The following WDPCP variants were observed in gnomAD, a reference collection of about 807,000 sequenced individuals.
The protein encoded by WDPCP is WD repeat-containing and planar cell polarity effector protein fritz homolog.
In WDPCP, 71 loss-of-function variants were observed where a neutral mutation model predicts 93.1. The ratio of observed to expected loss-of-function variants is 0.76; its 90% CI spans 0.63 to 0.93. The LOEUF is 0.93. WDPCP is among the 40% of genes least tolerant of loss of function. The probability of loss-of-function intolerance (pLI) is 0.00; values close to 1 mark genes in which losing one functional copy is unlikely to be tolerated. For missense variants in WDPCP, 844 were observed against 887.4 expected, an observed-to-expected ratio of 0.95 and a Z score of 0.62; for synonymous variants, 315 against 315.0, an observed-to-expected ratio of 1.00 and a Z score of 0.00.
intron 1 of WDPCP, among the ~76,000 whole-genome samples, chr2:63,511,831 G>C (rs1575555808): frequency 6.6e-6 from 1 of 152,278 alleles, no homozygotes; most frequent in South Asian, 2.1e-4. Flanking sequence ...TCAGGACATA[G>C]GCATGGGCAA....
chr2:63,410,297 C>CT (rs1211384113), intron 9 of WDPCP, among the ~76,000 whole-genome samples: 1 of 152,122 alleles, frequency 6.6e-6, no homozygotes, highest in Non-Finnish European at 1.5e-5. Flanking sequence ...AAGATACAGT[C>CT]TTTTTCAGAC....
At position 63,120,178 on chromosome 2, in the gene WDPCP, T is replaced by A. The variant is rs1219895289; in HGVS notation, c.*1828A>T. 1.3e-5 allele frequency among the ~76,000 whole-genome samples: 2 copies of A among 152,164 alleles called. No individual in the cohort carries two copies. Among genetic ancestry groups the A allele is most frequent in the Non-Finnish European group, 2.9e-5 (2 of 68,012 alleles). On this transcript the variant is annotated 3_prime_UTR_variant, in exon 18 of 18. Transcript: ENST00000272321. ...TTCTGCAATCTTGACAAAACCCTAT[T>A]TTTTTAAATACAATTTTTTCTCTAA...
At chr2:63,452,325 G>A (rs1222380207) in intron 6 of WDPCP, among the ~76,000 whole-genome samples, 8 of 152,168 alleles carry the variant, frequency 5.3e-5, no homozygotes, top group African/African-American at 1.9e-4. Flanking sequence ...CAAATCACGA[G>A]CGAACTCCCA....
At chr2:63,168,369 A>G (rs2103955520) in intron 15 of WDPCP, among the ~76,000 whole-genome samples, 1 of 152,026 alleles carries the variant, frequency 6.6e-6, no homozygotes, top group African/African-American at 2.4e-5. Context: ...TTGCCTGAAT[A>G]TCTTTCCCCA....
intron 12 of WDPCP, among the ~76,000 whole-genome samples, chr2:63,329,593 G>T (rs1232129951): frequency 6.6e-6 from 1 of 151,894 alleles, no homozygotes; most frequent in Admixed American, 6.6e-5. Flanking sequence ...TTATTATTCT[G>T]GTTTTGTATA....
At chr2:63,348,109 C>T (rs974053733) in intron 12 of WDPCP, among the ~76,000 whole-genome samples, 3 of 152,162 alleles carry the variant, frequency 2.0e-5, no homozygotes, top group African/African-American at 7.2e-5. Context: ...GTACTTAATA[C>T]ATGCTAGTCA....
chr2:63,278,593 T>G lies in WDPCP; in HGVS notation c.1813-19184A>C, dbSNP rs994364381. Among the ~76,000 whole-genome samples, 3 of 152,144 alleles carry G rather than the reference T, an allele frequency of 2.0e-5. No homozygotes were observed. In the South Asian group the frequency reaches 6.2e-4, roughly 32 times the overall value. On this transcript the variant is annotated intron_variant, in intron 13 of 17. Transcript: ENST00000272321. The stretch of plus-strand genomic sequence containing the variant: ...CTGTAATCTCAGCACTTTGGGAGGC[T>G]GAGGCAGGCAGATCATGAGGTCAGG...
chr2:63,308,667 C>T (rs1307837766), intron 13 of WDPCP, among the ~76,000 whole-genome samples: 1 of 152,068 alleles, frequency 6.6e-6, no homozygotes, highest in Non-Finnish European at 1.5e-5. Context: ...AGCACATGTT[C>T]TCACTCATAA....
intron 1 of WDPCP, among the ~76,000 whole-genome samples, chr2:63,580,884 A>G (rs1357565221): frequency 6.6e-6 from 1 of 152,224 alleles, no homozygotes; most frequent in African/African-American, 2.4e-5. Flanking sequence ...ATAAAAGGAC[A>G]CATTGTCTGC....
At chr2:63,646,763 G>A (rs1710057054) in intron 3 of WDPCP, among the ~76,000 whole-genome samples, 1 of 152,106 alleles carries the variant, frequency 6.6e-6, no homozygotes, top group Non-Finnish European at 1.5e-5. Flanking sequence ...CCACTGAAAA[G>A]TCTGCTTCCA....
intron 6 of WDPCP, among the ~76,000 whole-genome samples, chr2:63,448,437 AACACACACACACACAC>A (rs35247066): frequency 1.3e-5 from 2 of 148,694 alleles, no homozygotes; most frequent in African/African-American, 2.5e-5. Flanking sequence ...AAAATACATC[AACACACACACACACAC>A]ACACACACAC....
chr2:63,640,972 C>T (rs918578195), intron 3 of WDPCP, among the ~76,000 whole-genome samples: 3 of 152,198 alleles, frequency 2.0e-5, no homozygotes, highest in Non-Finnish European at 4.4e-5. Context: ...TAACCTCCTA[C>T]TAACCTTCCC....
intron 2 of WDPCP, among the ~76,000 whole-genome samples, chr2:63,654,873 T>A (rs181303014): frequency 1.3e-5 from 2 of 152,286 alleles, no homozygotes; most frequent in Admixed American, 6.5e-5. Context: ...AATCTATGGT[T>A]GGTTGAATCT....
intron 14 of WDPCP, among the ~76,000 whole-genome samples, chr2:63,195,258 T>G (rs1675338476): frequency 2.6e-5 from 4 of 152,194 alleles, no homozygotes; most frequent in Admixed American, 2.6e-4. Flanking sequence ...ATTTACAAAC[T>G]GTTCAAATAA....
At chr2:63,483,016 G>A (rs954642882) in intron 6 of WDPCP, among the ~76,000 whole-genome samples, 1 of 151,796 alleles carries the variant, frequency 6.6e-6, no homozygotes, top group Non-Finnish European at 1.5e-5. Flanking sequence ...TTCTTCTCCA[G>A]ACATCCCTTC....
At chr2:63,389,636 T>G (rs1456064088) in intron 10 of WDPCP, among the ~76,000 whole-genome samples, 2 of 152,154 alleles carry the variant, frequency 1.3e-5, no homozygotes, top group Non-Finnish European at 2.9e-5. Flanking sequence ...ATCACTGTGC[T>G]GTATTCAGGA....
intron 2 of WDPCP, among the ~76,000 whole-genome samples, chr2:63,702,898 T>C (rs1339491585): frequency 6.8e-6 from 1 of 147,258 alleles, no homozygotes; most frequent in Non-Finnish European, 1.5e-5. Context: ...CAGTCCCCAA[T>C]GTGTGATGTT....
chr2:63,381,775 TAATA>T (rs1343751044), intron 11 of WDPCP, 127 bp downstream of exon 11: 28 of 921,952 alleles, frequency 3.0e-5, no homozygotes, highest in Non-Finnish European at 3.9e-5. Flanking sequence ...CTTTCAGTTT[TAATA>T]GAGCACTAAC....
At chr2:63,281,274 C>G (rs1283921657) in intron 13 of WDPCP, among the ~76,000 whole-genome samples, 1 of 152,156 alleles carries the variant, frequency 6.6e-6, no homozygotes, top group Non-Finnish European at 1.5e-5. Flanking sequence ...ATCAAAACCA[C>G]AATGTGATAC....
Sources: allele counts gnomAD v4.1 joint callset (sites outside exome capture counted in the v4.1 genomes callset), GRCh38; gene constraint gnomAD v4.1.1; transcripts MANE v1.5; gene names NCBI Gene and HGNC (gene_info 2026-07-23, HGNC 2026-07-21).